GRIP1: variants seen among roughly 807,000 people sequenced by gnomAD.
GRIP1 encodes glutamate receptor interacting protein 1.
Under a neutral mutation model 129.9 loss-of-function variants are expected in GRIP1, and 45 were observed. The ratio of observed to expected loss-of-function variants is 0.35; its 90% CI spans 0.27 to 0.44. The LOEUF (loss-of-function observed/expected upper bound fraction) is 0.44, where lower values mean the gene tolerates loss of function less well. Among genes scored for constraint, GRIP1 ranks in the 20% least tolerant of loss-of-function variants. GRIP1 has a pLI of 1.00. For synonymous variants in GRIP1, 530 were observed against 520.8 expected, an observed-to-expected ratio of 1.02 and a Z score of -0.24; for missense variants, 1,196 against 1,396.8, an observed-to-expected ratio of 0.86 and a Z score of 2.29.
chr12:66,887,770 A>G (rs112905432), intron 1 of GRIP1, among the ~76,000 whole-genome samples: 3 of 152,340 alleles, frequency 2.0e-5, no homozygotes, highest in African/African-American at 7.2e-5. Context: ...TAAAAGAAAC[A>G]GAGAGGTGGA....
At chr12:66,470,872 A>T (rs2059420491) in intron 7 of GRIP1, among the ~76,000 whole-genome samples, 1 of 149,470 alleles carries the variant, frequency 6.7e-6, no homozygotes, top group African/African-American at 2.5e-5. Flanking sequence ...CAAAGAATAG[A>T]ATTGCTAGTA....
At chr12:66,840,070 T>C (rs780263634) in intron 1 of GRIP1, among the ~76,000 whole-genome samples, 67 of 152,190 alleles carry the variant, frequency 4.4e-4, no homozygotes, top group Admixed American at 1.1e-3. Flanking sequence ...GTTTCATGGT[T>C]TAGGCTTATA....
intron 1 of GRIP1, among the ~76,000 whole-genome samples, chr12:66,733,989 G>A (rs903015780): frequency 5.3e-5 from 8 of 151,924 alleles, no homozygotes; most frequent in African/African-American, 1.9e-4. Context: ...TCAGGAGAGA[G>A]GTGGTTTTCT....
intron 1 of GRIP1, among the ~76,000 whole-genome samples, chr12:66,809,467 AG>A (rs1448126949): frequency 6.6e-6 from 1 of 152,144 alleles, no homozygotes; most frequent in African/African-American, 2.4e-5. Flanking sequence ...GCCTTCATGT[AG>A]CCTTGGGAGA....
At chr12:66,971,257 T>G (rs1200565728) in intron 1 of GRIP1, among the ~76,000 whole-genome samples, 1 of 152,130 alleles carries the variant, frequency 6.6e-6, no homozygotes, top group Non-Finnish European at 1.5e-5. Context: ...CTGAGATTGC[T>G]GACAGTTCCA....
intron 14 of GRIP1, among the ~76,000 whole-genome samples, chr12:66,421,417 G>A (rs1388337761): frequency 2.0e-5 from 3 of 152,134 alleles, no homozygotes; most frequent in Non-Finnish European, 4.4e-5. Context: ...GGTGGCACAT[G>A]CCTGTAGTTC....
chr12:66,551,859 G>C (rs565664894), intron 2 of GRIP1, among the ~76,000 whole-genome samples: 1 of 152,110 alleles, frequency 6.6e-6, no homozygotes, highest in African/African-American at 2.4e-5. Context: ...TGGGACTACA[G>C]GCATGAGCCA....
chr12:66,940,188 A>G (rs1314834236), intron 1 of GRIP1, among the ~76,000 whole-genome samples: 1 of 152,140 alleles, frequency 6.6e-6, no homozygotes, highest in African/African-American at 2.4e-5. Flanking sequence ...CATGCCGGCA[A>G]GAGGCACTGG....
intron 2 of GRIP1, among the ~76,000 whole-genome samples, chr12:66,579,747 T>C (rs1443396934): frequency 1.3e-5 from 2 of 151,802 alleles, no homozygotes; most frequent in Non-Finnish European, 2.9e-5. Flanking sequence ...CCAAGAAATA[T>C]GGGACTATGT....
chr12:66,444,585 T>C lies in GRIP1; in HGVS notation c.1686A>G (p.Ala562=). The change falls in exon 13 of 25, where the codon GCA becomes GCG. Residue 562 remains alanine (A), a splice_region_variant and synonymous_variant. Coordinates refer to ENST00000359742, the MANE Select transcript of GRIP1 (RefSeq NM_001366722.1). ...ACTCCTGAGATGATATGATTATACCTGCAACATCAAACTCGATTTCCAGTG... is the reference window on the plus strand; with the variant it reads ...ACTCCTGAGATGATATGATTATACCCGCAACATCAAACTCGATTTCCAGTG... The part of the protein sequence containing the change: ...KVTLEIEFDV[A]ESVIPSSGTF... 6.2e-7 allele frequency: 1 copy of C among 1,608,498 alleles called. No individual in the cohort carries two copies. The highest frequency in any genetic ancestry group is 8.5e-7 in the Non-Finnish European group (1 of 1,179,134).
At chr12:66,361,342 G>C (rs1490573632) in intron 23 of GRIP1, among the ~76,000 whole-genome samples, 1 of 152,252 alleles carries the variant, frequency 6.6e-6, no homozygotes, top group South Asian at 2.1e-4. Flanking sequence ...TCAACAATGA[G>C]AGAATCAGTA....
At chr12:66,814,764 G>A (rs2039174595) in intron 1 of GRIP1, among the ~76,000 whole-genome samples, 1 of 152,122 alleles carries the variant, frequency 6.6e-6, no homozygotes, top group Admixed American at 6.6e-5. Context: ...GAGAGAGAGA[G>A]AGAGGTTTAA....
At chr12:67,047,349 A>T (rs1231325074) in intron 1 of GRIP1, among the ~76,000 whole-genome samples, 3 of 152,316 alleles carry the variant, frequency 2.0e-5, no homozygotes, top group Admixed American at 2.0e-4. Context: ...ATGTTTTTTT[A>T]AAATTTATCC....
chr12:67,009,141 A>G (rs1163734025), intron 1 of GRIP1, among the ~76,000 whole-genome samples: 2 of 152,156 alleles, frequency 1.3e-5, no homozygotes, highest in African/African-American at 2.4e-5. Flanking sequence ...CATGATTTTT[A>G]TTTTAGAAAA....
intron 1 of GRIP1, among the ~76,000 whole-genome samples, chr12:67,036,326 A>ATATTATTATTTATTCTGTAT (rs2043094435): frequency 6.7e-6 from 1 of 148,378 alleles, no homozygotes; most frequent in African/African-American, 2.5e-5. Flanking sequence ...ATAATACAGA[A>ATATTATTATTTATTCTGTAT]TAAGGATGTC....
intron 1 of GRIP1, among the ~76,000 whole-genome samples, chr12:66,778,624 CA>C (rs2038063325): frequency 6.6e-6 from 1 of 151,824 alleles, no homozygotes; most frequent in African/African-American, 2.4e-5. Flanking sequence ...TTACCTATGA[CA>C]AAAAAAGAAT....
intron 2 of GRIP1, among the ~76,000 whole-genome samples, chr12:66,553,031 G>C (rs988372478): frequency 6.6e-6 from 1 of 152,116 alleles, no homozygotes; most frequent in Admixed American, 6.6e-5. Flanking sequence ...CCTGTATTTG[G>C]CTTTCTCTAT....
chr12:66,420,447 A>T (rs1036211585), intron 15 of GRIP1, among the ~76,000 whole-genome samples: 2 of 143,958 alleles, frequency 1.4e-5, no homozygotes, highest in East Asian at 4.1e-4. Flanking sequence ...CAGAAAATGA[A>T]TGGAAGCTGA....
chr12:66,638,870 T>C (rs911002252), intron 1 of GRIP1, among the ~76,000 whole-genome samples: 7 of 152,128 alleles, frequency 4.6e-5, no homozygotes, highest in African/African-American at 7.2e-5. Flanking sequence ...AGTGCCTGGG[T>C]AAAAACCCAG....
Sources: allele counts gnomAD v4.1 joint callset (sites outside exome capture counted in the v4.1 genomes callset), GRCh38; gene constraint gnomAD v4.1.1; transcripts MANE v1.5; gene names NCBI Gene and HGNC (gene_info 2026-07-23, HGNC 2026-07-21).